The following TTC28 variants were observed in gnomAD, a reference collection of about 807,000 sequenced individuals.
The protein encoded by TTC28 is tetratricopeptide repeat protein 28.
Under a neutral mutation model 198.0 loss-of-function variants are expected in TTC28, and 61 were observed. That is an observed-to-expected ratio of 0.31 (90% CI 0.25 to 0.38). TTC28 has a LOEUF of 0.38. Ranked by LOEUF, TTC28 falls within the 10% of genes least tolerant of loss-of-function variation. The pLI is 1.00. For missense variants in TTC28, 2,678 were observed against 3,164.0 expected (o/e 0.85, Z 3.69); for synonymous variants, 1,171 against 1,297.8 (o/e 0.90, Z 2.10).
At chr22:28,249,706 C>G (rs548692073) in intron 5 of TTC28, among the ~76,000 whole-genome samples, 1 of 152,234 alleles carries the variant, frequency 6.6e-6, no homozygotes, top group East Asian at 1.9e-4. Flanking sequence ...ATGCCCTCCA[C>G]GTTGCCTTGA....
chr22:28,085,596 G>A (rs1390423320), intron 12 of TTC28, among the ~76,000 whole-genome samples: 4 of 152,154 alleles, frequency 2.6e-5, no homozygotes, highest in Admixed American at 6.6e-5. Flanking sequence ...GGAAGAAACT[G>A]CATCAACTAA....
At chr22:28,538,389 A>G (rs537996190) in intron 2 of TTC28, among the ~76,000 whole-genome samples, 2 of 151,952 alleles carry the variant, frequency 1.3e-5, no homozygotes, top group East Asian at 3.9e-4. Flanking sequence ...TGCCTGGCCT[A>G]TAGGTATATC....
At chr22:28,337,256 C>T (rs963997851) in intron 2 of TTC28, among the ~76,000 whole-genome samples, 1 of 152,072 alleles carries the variant, frequency 6.6e-6, no homozygotes, top group Non-Finnish European at 1.5e-5. Flanking sequence ...TGCTTTACTG[C>T]CAACTATGTG....
At chr22:28,267,050 G>C (rs1469601703) in intron 5 of TTC28, among the ~76,000 whole-genome samples, 2 of 152,136 alleles carry the variant, frequency 1.3e-5, no homozygotes, top group Admixed American at 6.6e-5. Context: ...CTCAAAATTA[G>C]AAGGCATCAA....
At position 28,120,898 on chromosome 22, in the gene TTC28, T is replaced by C. The variant is rs372983212; in HGVS notation, c.1442-12495A>G. ...ATTCAAACTCTATGATTGTGTGAAG[T>C]GTTCTAGCTAGATTAAGCATAATGC... On this transcript the variant is annotated intron_variant, in intron 6 of 22. Transcript: ENST00000397906. Among the ~76,000 whole-genome samples the C allele has an allele frequency of 6.6e-5, 10 of 152,352 alleles. No homozygotes were observed. In the East Asian group the frequency reaches 1.7e-3, roughly 26 times the overall value.
At chr22:28,059,957 G>C (rs1388247793) in intron 12 of TTC28, among the ~76,000 whole-genome samples, 1 of 136,210 alleles carries the variant, frequency 7.3e-6, no homozygotes, top group Non-Finnish European at 1.7e-5. Context: ...AGAGATTTTG[G>C]TTCTGCTTTT....
intron 12 of TTC28, among the ~76,000 whole-genome samples, chr22:28,070,797 C>G (rs1306184411): frequency 6.6e-6 from 1 of 152,132 alleles, no homozygotes; most frequent in Non-Finnish European, 1.5e-5. Flanking sequence ...AGGTGATAAT[C>G]AATATATGTG....
chr22:28,451,968 A>G (rs1601415048), intron 2 of TTC28, among the ~76,000 whole-genome samples: 1 of 152,168 alleles, frequency 6.6e-6, no homozygotes, highest in Non-Finnish European at 1.5e-5. Flanking sequence ...TAACTTTCCC[A>G]AAGAAACCCT....
At chr22:28,522,443 G>A (rs571500881) in intron 2 of TTC28, among the ~76,000 whole-genome samples, 36 of 151,034 alleles carry the variant, frequency 2.4e-4, no homozygotes, top group African/African-American at 5.1e-4. Flanking sequence ...AGCCAAGATC[G>A]TGCCATTGCA....
intron 12 of TTC28, among the ~76,000 whole-genome samples, chr22:28,044,301 CG>C (rs1939776279): frequency 5.3e-5 from 8 of 152,068 alleles, no homozygotes; most frequent in African/African-American, 1.4e-4. Flanking sequence ...TTCTGTTGGT[CG>C]GAAGGCAAAC....
intron 2 of TTC28, among the ~76,000 whole-genome samples, chr22:28,324,294 A>C (rs564112692): frequency 6.6e-6 from 1 of 152,242 alleles, no homozygotes; most frequent in Admixed American, 6.5e-5. Flanking sequence ...TCTGCAAAAA[A>C]TTCTACCAAA....
chr22:28,099,137 C>T, intron 9 of TTC28, 93 bp from the exon 10 acceptor site: 2 of 1,466,040 alleles, frequency 1.4e-6, no homozygotes, highest in Non-Finnish European at 9.1e-7. Flanking sequence ...TATCTTTGTG[C>T]ACAACCTAAA....
intron 5 of TTC28, among the ~76,000 whole-genome samples, chr22:28,193,752 A>G (rs1315017479): frequency 1.3e-5 from 2 of 152,174 alleles, no homozygotes; most frequent in Non-Finnish European, 2.9e-5. Context: ...CTAAATATAT[A>G]TGCACCCAAT....
chr22:28,629,892 T>C (rs76542858), intron 1 of TTC28, 62 bp from the exon 2 acceptor site: 35,203 of 1,400,342 alleles, frequency 0.025, 475 homozygotes, highest in Non-Finnish European at 0.029. Context: ...CCCCATCTGC[T>C]AAGATTTGGA....
rs563647427 is a variant in TTC28 at position 28,612,646 on chromosome 22, G to A, written c.381+16906C>T. On this transcript the variant is annotated intron_variant, in intron 2 of 22. Transcript: ENST00000397906. ...ATAACAAACAGTCTCTCGGCCCATA[G>A]TGCAATCAAATTAGAACTCAGGATT... 3.9e-5 allele frequency among the ~76,000 whole-genome samples: 6 copies of A among 152,234 alleles called. No homozygotes were observed. In the East Asian group the frequency reaches 5.8e-4, roughly 15 times the overall value.
intron 2 of TTC28, among the ~76,000 whole-genome samples, chr22:28,528,995 G>A (rs1405563668): frequency 1.3e-5 from 2 of 152,212 alleles, no homozygotes; most frequent in Admixed American, 6.5e-5. Flanking sequence ...AGCCCCCAGT[G>A]TGAGTGACAC....
At chr22:28,239,362 A>G (rs936643308) in intron 5 of TTC28, among the ~76,000 whole-genome samples, 2 of 152,172 alleles carry the variant, frequency 1.3e-5, no homozygotes, top group Non-Finnish European at 2.9e-5. Flanking sequence ...AAAACTGGAA[A>G]GAGCACCACT....
intron 1 of TTC28, among the ~76,000 whole-genome samples, chr22:28,634,892 C>T (rs2051243192): frequency 6.6e-6 from 1 of 152,082 alleles, no homozygotes; most frequent in Non-Finnish European, 1.5e-5. Context: ...GCCCCAAGTC[C>T]TTTTCTATCT....
At chr22:28,013,885 C>T (rs1401203733) in intron 14 of TTC28, among the ~76,000 whole-genome samples, 1 of 152,270 alleles carries the variant, frequency 6.6e-6, no homozygotes, top group East Asian at 1.9e-4. Flanking sequence ...GGTGCACCTG[C>T]GCCTCCCTGA....
Sources: gnomAD v4.1 joint callset for allele counts (sites outside exome capture counted in the v4.1 genomes callset) on GRCh38, gnomAD v4.1.1 for gene constraint, MANE v1.5 for transcripts, NCBI Gene and HGNC (gene_info 2026-07-23, HGNC 2026-07-21) for gene names.